PPP6R2: variants seen among roughly 807,000 people sequenced by gnomAD.
PPP6R2 encodes the protein protein phosphatase 6 regulatory subunit 2.
In PPP6R2, 62 loss-of-function variants were observed where a neutral mutation model predicts 100.2. That is an observed-to-expected ratio of 0.62 (90% CI 0.50 to 0.76). PPP6R2 has a LOEUF of 0.76. PPP6R2 is among the 30% of genes least tolerant of loss of function. The pLI, the probability that PPP6R2 is intolerant of heterozygous loss-of-function variation, is 0.00. For missense variants in PPP6R2, 1,142 were observed against 1,276.3 expected (o/e 0.89, Z 1.60); for synonymous variants, 525 against 514.7 (o/e 1.02, Z -0.27).
chr22:50,376,484 G>A (rs551984879), intron 2 of PPP6R2, among the ~76,000 whole-genome samples: 21 of 152,250 alleles, frequency 1.4e-4, no homozygotes, highest in South Asian at 6.2e-4. Context: ...GTACAGTGGC[G>A]TGATCTTGGC....
At chr22:50,411,644 C>T (rs558547052) in intron 4 of PPP6R2, among the ~76,000 whole-genome samples, 1 of 152,024 alleles carries the variant, frequency 6.6e-6, no homozygotes, top group African/African-American at 2.4e-5. Flanking sequence ...ATCACAGCTA[C>T]TCAGGAGGCT....
rs935751720 is a variant in PPP6R2 at position 50,445,044 on chromosome 22, C to CACCCCAA, written c.*803_*809dup. ...TTAATGTTCTGATCACCTGACAGGGCACCCCAAACCCCCAACTCCCAATAA... is the reference window on the plus strand; with the variant it reads ...TTAATGTTCTGATCACCTGACAGGGCACCCCAAACCCCAAACCCCCAACTCCCAATAA... On this transcript the variant is annotated 3_prime_UTR_variant, in exon 24 of 24. Coordinates refer to ENST00000612753, the MANE Select transcript of PPP6R2 (RefSeq NM_001242898.2). 5.2e-5 allele frequency: 8 copies of CACCCCAA among 152,694 alleles called. No individual in the cohort carries two copies. The highest frequency in any genetic ancestry group is 1.7e-4 in the African/African-American group (7 of 41,440). The allele number at this position is 152,694 out of a possible 1,614,324, so 9.5% of individuals were successfully genotyped here. A position where few individuals can be genotyped will look rare whatever the true frequency, so the allele number is the denominator to read the frequency against.
At chr22:50,395,305 G>A (rs1313441536) in intron 3 of PPP6R2, among the ~76,000 whole-genome samples, 1 of 152,210 alleles carries the variant, frequency 6.6e-6, no homozygotes, top group African/African-American at 2.4e-5. Context: ...GGGGCAGTGT[G>A]GCGAGATGGC....
intron 1 of PPP6R2, among the ~76,000 whole-genome samples, chr22:50,357,992 C>T (rs376239732): frequency 9.3e-4 from 141 of 152,090 alleles, no homozygotes; most frequent in African/African-American, 2.9e-3. Context: ...CGCTTTGTTG[C>T]CTAGGCTGGA....
At chr22:50,362,905 A>G (rs28627610) in intron 1 of PPP6R2, among the ~76,000 whole-genome samples, 148,140 of 152,286 alleles carry the variant, frequency 0.97, 72,085 homozygotes, top group East Asian at 1. Context: ...AAGGTGTTGT[A>G]TTCTGGCCGC....
At chr22:50,439,205 G>A (rs544730166) in intron 19 of PPP6R2, among the ~76,000 whole-genome samples, 3 of 152,326 alleles carry the variant, frequency 2.0e-5, no homozygotes. Flanking sequence ...CAGCACTGAG[G>A]CACTCAGGAC....
chr22:50,370,278 A>G (rs1286965013), intron 1 of PPP6R2, among the ~76,000 whole-genome samples: 3 of 152,150 alleles, frequency 2.0e-5, no homozygotes, highest in African/African-American at 4.8e-5. Context: ...GCACAGAACT[A>G]TGTGCCACGT....
chr22:50,411,246 G>A (rs1372198200), intron 4 of PPP6R2, among the ~76,000 whole-genome samples: 1 of 152,186 alleles, frequency 6.6e-6, no homozygotes, highest in Non-Finnish European at 1.5e-5. Context: ...TTGAGCCCAT[G>A]AGTTTGAGAG....
At chr22:50,401,881 G>A (rs931037782) in intron 3 of PPP6R2, among the ~76,000 whole-genome samples, 4 of 151,886 alleles carry the variant, frequency 2.6e-5, no homozygotes, top group African/African-American at 4.8e-5. Flanking sequence ...TGATCCGCCC[G>A]CCTTGTTCTC....
At position 50,416,158 on chromosome 22, in the gene PPP6R2, G is replaced by C. The variant is rs764043363; in HGVS notation, c.618+1G>C. On this transcript the variant is annotated splice_donor_variant, in intron 6 of 23. Transcript: ENST00000612753. LOFTEE classifies it high-confidence loss of function. The stretch of plus-strand genomic sequence containing the variant: ...GATCCACCCGAGCCAGGATGAAGAT[G>C]TGAGTGTGCTGCTTACCGAGCTTCG... The C allele has an allele frequency of 6.2e-7, 1 of 1,612,452 alleles. No individual in the cohort carries two copies.
At chr22:50,370,738 ATTC>A (rs1602495393) in intron 1 of PPP6R2, among the ~76,000 whole-genome samples, 1 of 151,346 alleles carries the variant, frequency 6.6e-6, no homozygotes, top group East Asian at 2.0e-4. Context: ...GGTTCAAGTG[ATTC>A]TCCTGCCTCA....
chr22:50,347,298 C>A (rs1162270289), intron 1 of PPP6R2, among the ~76,000 whole-genome samples: 3 of 152,098 alleles, frequency 2.0e-5, no homozygotes, highest in African/African-American at 7.2e-5. Context: ...TCCTGCCTGT[C>A]AGTGGGAGAA....
rs1015332592 is a variant in PPP6R2, at chr22:50,437,807, G to A, written c.1782-36G>A. 1.7e-5 allele frequency: 27 copies of A among 1,550,358 alleles called. 1 individual carries two copies. Among genetic ancestry groups the A allele is most frequent in the South Asian group, 7.1e-5 (6 of 84,160 alleles). ...GAGGCCCCAGATGAGCAGTGGGCCT[G>A]GAGGAACGCTGAAGCCATCCCCCTT... On this transcript the variant is annotated intron_variant, in intron 16 of 23. Transcript: ENST00000612753.
chr22:50,368,204 C>T (rs73188934), intron 1 of PPP6R2, among the ~76,000 whole-genome samples: 2 of 152,244 alleles, frequency 1.3e-5, no homozygotes, highest in African/African-American at 2.4e-5. Flanking sequence ...GAGACGTTTA[C>T]GCCTCCAGAT....
intron 15 of PPP6R2, 23 bp from the exon 16 acceptor site, chr22:50,437,483 C>CCAG: frequency 1.4e-6 from 1 of 734,984 alleles, no homozygotes; most frequent in Non-Finnish European, 2.5e-6. Context: ...CTGTCCGTCC[C>CCAG]TCCCTCCCTC....
At chr22:50,425,939 G>T (rs949262391) in intron 10 of PPP6R2, among the ~76,000 whole-genome samples, 20 of 149,148 alleles carry the variant, frequency 1.3e-4, no homozygotes, top group African/African-American at 5.0e-4. Flanking sequence ...TCCTTTATCA[G>T]ATATATGCAA....
chr22:50,429,810 G>C (rs988457768), intron 10 of PPP6R2, among the ~76,000 whole-genome samples: 1 of 152,222 alleles, frequency 6.6e-6, no homozygotes, highest in Non-Finnish European at 1.5e-5. Context: ...CTGACTCCAT[G>C]TTACAGATGA....
chr22:50,335,811 G>A, the PPP6R2 span, among the ~76,000 whole-genome samples: 2 of 143,342 alleles, frequency 1.4e-5, no homozygotes, highest in Admixed American at 7.1e-5. Flanking sequence ...CAGTATCTGG[G>A]ACTACAGGCA....
At chr22:50,374,759 C>T (rs2051066035) in intron 2 of PPP6R2, among the ~76,000 whole-genome samples, 1 of 151,872 alleles carries the variant, frequency 6.6e-6, no homozygotes, top group Middle Eastern at 3.4e-3. Flanking sequence ...ACTAAAAATA[C>T]AAAAATTAGC....
Sources: gnomAD v4.1 joint callset for allele counts (sites outside exome capture counted in the v4.1 genomes callset) on GRCh38, gnomAD v4.1.1 for gene constraint, MANE v1.5 for transcripts, NCBI Gene and HGNC (gene_info 2026-07-23, HGNC 2026-07-21) for gene names.